The following CCNT1 variants were observed in gnomAD, a reference collection of about 807,000 sequenced individuals.
CCNT1 encodes the protein cyclin-T1.
A neutral mutation model predicts 67.3 loss-of-function variants in CCNT1; 18 were observed. The observed-to-expected ratio is 0.27, with a 90% CI of 0.18 to 0.40. The LOEUF is 0.40. Among genes scored for constraint, CCNT1 ranks in the 10% least tolerant of loss-of-function variants. The probability of loss-of-function intolerance (pLI) is 1.00; values close to 1 mark genes in which losing one functional copy is unlikely to be tolerated. For synonymous variants in CCNT1, 333 were observed against 310.3 expected, an observed-to-expected ratio of 1.07 and a Z score of -0.77; for missense variants, 744 against 884.9, an observed-to-expected ratio of 0.84 and a Z score of 2.02.
chr12:48,703,185 CG>C (rs986593863), intron 3 of CCNT1, among the ~76,000 whole-genome samples: 2 of 151,702 alleles, frequency 1.3e-5, no homozygotes, highest in African/African-American at 2.4e-5. Flanking sequence ...GAGGCCAAGG[CG>C]GGCGGATCAC....
chr12:48,704,196 A>G (rs2137235536), intron 3 of CCNT1, among the ~76,000 whole-genome samples: 1 of 152,358 alleles, frequency 6.6e-6, no homozygotes, highest in South Asian at 2.1e-4. Flanking sequence ...GTTCATTAGT[A>G]TACCTGTGCT....
At chr12:48,694,555 G>T in intron 8 of CCNT1, 119 bp from the exon 9 acceptor site, 1 of 801,388 alleles carries the variant, frequency 1.2e-6, no homozygotes, top group Non-Finnish European at 2.0e-6. Context: ...CAGGCAGGAG[G>T]CTATCCTAAC....
At chr12:48,702,460 TA>T (rs1455429220) in intron 3 of CCNT1, among the ~76,000 whole-genome samples, 8 of 152,094 alleles carry the variant, frequency 5.3e-5, no homozygotes, top group African/African-American at 1.7e-4. Context: ...GCTATAACCA[TA>T]AAATACACTG....
rs763301494 is a variant in CCNT1 at position 48,694,231 on chromosome 12, A to T, written c.983T>A (p.Met328Lys). 14 of 1,614,106 alleles carry T rather than the reference A, an allele frequency of 8.7e-6. No homozygotes were observed. The highest frequency in any genetic ancestry group is 1.3e-5 in the African/African-American group (1 of 74,940). ...GGACAGCCAACGCTTGCCCGGCAACATCTCCACACTGGTTAAGTTGCTGGA... is the reference window on the plus strand; with the variant it reads ...GGACAGCCAACGCTTGCCCGGCAACTTCTCCACACTGGTTAAGTTGCTGGA... ...ESSSNLTSVE[M>K]LPGKRWLSSQ... The change falls in exon 9 of 9, where the codon ATG (methionine) becomes AAG (lysine). Residue 328 changes from methionine to lysine, a missense_variant. Met to Lys is a moderately conservative substitution (Grantham distance 95, BLOSUM62 -1). Around this residue, in one of 3 missense-constraint regions of CCNT1, gnomAD observed 564 missense variants for 574.2 expected, o/e 0.98. Coordinates refer to ENST00000261900, the MANE Select transcript of CCNT1 (RefSeq NM_001240.4).
rs1216000675 is a variant in CCNT1, at chr12:48,705,954, G to C, written c.244-58C>G. ...TCAATTTATTCATTCATAGAGTAAG[G>C]TAGATCTAAAGAGGAGCTAAGTCTC... is the stretch of plus-strand genomic sequence containing the variant. On this transcript the variant is annotated intron_variant, in intron 2 of 8. Coordinates refer to ENST00000261900, the MANE Select transcript of CCNT1 (RefSeq NM_001240.4). The C allele has an allele frequency of 1.6e-5, 24 of 1,522,880 alleles. No homozygotes were observed. In the East Asian group the frequency reaches 5.4e-4, roughly 34 times the overall value. The allele number at this position is 1,522,880 out of a possible 1,614,324, so 94.3% of individuals were successfully genotyped here. A position where few individuals can be genotyped will look rare whatever the true frequency, so the allele number is the denominator to read the frequency against.
chr12:48,701,215 ATCTTTTTTTTTT>A, intron 3 of CCNT1, 142 bp from the exon 4 acceptor site: 1 of 323,342 alleles, frequency 3.1e-6, no homozygotes, highest in East Asian at 5.0e-5. Context: ...CTGAAATACA[ATCTTTTTTTTTT>A]TTTTTTTTTT....
chr12:48,698,124 ATT>A lies in CCNT1; in HGVS notation c.542+12_542+13del. 6.5e-7 allele frequency: 1 copy of A among 1,536,284 alleles called. No homozygotes were observed. The highest frequency in any genetic ancestry group is 8.8e-7 in the Non-Finnish European group (1 of 1,138,396). ...TACCAAAAATCGAAGAGAAAAAAAA[ATT>A]AAAATATAAACCTGTTGGTTGCCAT... On this transcript the variant is annotated intron_variant, in intron 6 of 8. Coordinates refer to ENST00000261900, the MANE Select transcript of CCNT1 (RefSeq NM_001240.4).
intron 6 of CCNT1, among the ~76,000 whole-genome samples, chr12:48,696,671 G>C (rs73108571): frequency 3.3e-5 from 5 of 152,232 alleles, no homozygotes; most frequent in Non-Finnish European, 5.9e-5. Context: ...ATAATAAACA[G>C]ACAACTACTC....
chr12:48,693,273 A>G lies in CCNT1; in HGVS notation c.1941T>C (p.Asn647=). 1 of 1,614,236 alleles carries G rather than the reference A, an allele frequency of 6.2e-7. No homozygotes were observed. Among genetic ancestry groups the G allele is most frequent in the Non-Finnish European group, 8.5e-7 (1 of 1,180,032 alleles). The change falls in exon 9 of 9, where the codon AAT becomes AAC. Residue 647 remains asparagine, a synonymous_variant. Transcript: ENST00000261900. ...SKLDKGPTGA[N]GHNTTQTIDY... ...CTATTGTCTGGGTCGTGTTGTGACCATTGGCCCCAGTGGGCCCTTTATCCA... is the reference window on the plus strand; with the variant it reads ...CTATTGTCTGGGTCGTGTTGTGACCGTTGGCCCCAGTGGGCCCTTTATCCA...
intron 2 of CCNT1, among the ~76,000 whole-genome samples, chr12:48,711,166 G>A (rs1940444653): frequency 6.6e-6 from 1 of 151,892 alleles, no homozygotes; most frequent in Non-Finnish European, 1.5e-5. Flanking sequence ...CAGATCATAA[G>A]GTCAACAGTT....
Position 48,693,119 on chromosome 12 carries a change from A to G in CCNT1, c.2095T>C (p.Ser699Pro). ...DYLNPRSGGI[S>P]SRSGNTDKPR... ...TTGTCTGTATTGCCAGATCTCGAGG[A>G]GATTCCACCAGACCGAGGATTCAGA... Residue 699 changes from serine (S) to proline (P), a missense_variant, in exon 9 of 9, where the codon TCC becomes CCC. By Grantham distance (74) the Ser-to-Pro change is moderately conservative (BLOSUM62 -1). Around this residue, in one of 3 missense-constraint regions of CCNT1, gnomAD observed 564 missense variants for 574.2 expected, o/e 0.98. Transcript: ENST00000261900. 3 of 1,614,122 alleles carry G rather than the reference A, an allele frequency of 1.9e-6. No individual in the cohort carries two copies. Among genetic ancestry groups the G allele is most frequent in the Non-Finnish European group, 2.5e-6 (3 of 1,180,004 alleles).
chr12:48,712,664 G>A (rs906591539), intron 2 of CCNT1, among the ~76,000 whole-genome samples: 9 of 136,094 alleles, frequency 6.6e-5, no homozygotes, highest in Admixed American at 3.8e-4. Flanking sequence ...TATACAGCCG[G>A]TGCAGTGGCT....
intron 3 of CCNT1, among the ~76,000 whole-genome samples, chr12:48,701,654 C>T (rs1940271701): frequency 6.6e-6 from 1 of 151,618 alleles, no homozygotes; most frequent in Admixed American, 6.6e-5. Flanking sequence ...GTTGCCCAGG[C>T]TGGAGTGCAA....
chr12:48,695,696 T>A, intron 8 of CCNT1, 63 bp downstream of exon 8: 1 of 1,086,182 alleles, frequency 9.2e-7, no homozygotes, highest in Non-Finnish European at 1.4e-6. Flanking sequence ...AATACTGGTA[T>A]ATTCACTGGT....
At chr12:48,705,726 G>GA in intron 3 of CCNT1, 42 bp downstream of exon 3, 1 of 1,550,234 alleles carries the variant, frequency 6.5e-7, no homozygotes, top group Non-Finnish European at 8.8e-7. Flanking sequence ...AAAAAAGAAA[G>GA]GAAAAAAATT....
chr12:48,711,893 T>C (rs1356719117), intron 2 of CCNT1, among the ~76,000 whole-genome samples: 20 of 152,092 alleles, frequency 1.3e-4, no homozygotes, highest in Non-Finnish European at 4.4e-5. Context: ...CCTGGGTTCA[T>C]GCCATTCTCC....
At position 48,705,752 on chromosome 12, in the gene CCNT1, G is replaced by A. The variant is rs910252048; in HGVS notation, c.372+16C>T. 13 of 1,596,162 alleles carry A rather than the reference G, an allele frequency of 8.1e-6. No individual in the cohort carries two copies. Among genetic ancestry groups the A allele is most frequent in the East Asian group, 2.2e-5 (1 of 44,514 alleles). On this transcript the variant is annotated intron_variant, in intron 3 of 8. Coordinates refer to ENST00000261900, the MANE Select transcript of CCNT1 (RefSeq NM_001240.4). The stretch of plus-strand genomic sequence containing the variant: ...GAAAAAAATTAAGAAAAACAGATGT[G>A]TAATTAATCTCCTACCTCACTTCTA...
chr12:48,705,995 C>T (rs1031858325), intron 2 of CCNT1, 99 bp from the exon 3 acceptor site: 1 of 1,181,064 alleles, frequency 8.5e-7, no homozygotes, highest in South Asian at 1.6e-5. Context: ...AAGTTATTTG[C>T]TTGCCTCAAC....
intron 2 of CCNT1, among the ~76,000 whole-genome samples, chr12:48,713,471 G>C (rs193279786): frequency 3.5e-4 from 54 of 152,266 alleles, no homozygotes; most frequent in African/African-American, 1.2e-3. Context: ...CTTTTGCTGT[G>C]ACCATATTTT....
Sources: allele counts gnomAD v4.1 joint callset (sites outside exome capture counted in the v4.1 genomes callset), GRCh38; gene constraint gnomAD v4.1.1; regional missense constraint gnomAD v4.1.1; transcripts MANE v1.5; gene names NCBI Gene and HGNC (gene_info 2026-07-23, HGNC 2026-07-21).